The following RARB variants were observed in gnomAD, a reference collection of about 807,000 sequenced individuals.
RARB encodes the protein HBV-activated protein.
RARB carries 17 observed loss-of-function variants against 51.9 expected under a neutral mutation model. The ratio of observed to expected loss-of-function variants is 0.33; its 90% CI spans 0.22 to 0.49. The LOEUF is 0.49. Among genes scored for constraint, RARB ranks in the 20% least tolerant of loss-of-function variants. The pLI, the probability that RARB is intolerant of heterozygous loss-of-function variation, is 0.99. For synonymous variants in RARB, 215 were observed against 195.4 expected, an observed-to-expected ratio of 1.10 and a Z score of -0.84; for missense variants, 369 against 550.8, an observed-to-expected ratio of 0.67 and a Z score of 3.30.
At chr3:25,119,408 A>T (rs1609781) in intron 3 of RARB, among the ~76,000 whole-genome samples, 125,414 of 152,114 alleles carry the variant, frequency 0.82, 51,803 homozygotes, top group Non-Finnish European at 0.85. Context: ...AAGATGAATG[A>T]AGTAGTAGTG....
At chr3:25,470,275 GAAAA>G (rs919731243) in intron 2 of RARB, among the ~76,000 whole-genome samples, 34 of 151,128 alleles carry the variant, frequency 2.2e-4, no homozygotes, top group African/African-American at 7.8e-4. Flanking sequence ...AGCAAGAAAA[GAAAA>G]AAAAAGTTTT....
intron 2 of RARB, among the ~76,000 whole-genome samples, chr3:25,005,462 A>C (rs1388386086): frequency 1.3e-5 from 2 of 152,160 alleles, no homozygotes; most frequent in Admixed American, 6.5e-5. Context: ...AAGTGCCAGC[A>C]AGTTAGTGCT....
chr3:24,834,488 A>T (rs913257963), intron 1 of RARB, among the ~76,000 whole-genome samples: 2 of 152,186 alleles, frequency 1.3e-5, no homozygotes, highest in African/African-American at 4.8e-5. Flanking sequence ...AGTATCATCA[A>T]TGTCAACCCC....
chr3:25,120,527 ATCTCTCTC>A (rs138649959), intron 3 of RARB, among the ~76,000 whole-genome samples: 58 of 136,166 alleles, frequency 4.3e-4, no homozygotes, highest in African/African-American at 1.4e-3. Context: ...ATATATAAAA[ATCTCTCTC>A]TCTCTCTCTC....
intron 5 of RARB, among the ~76,000 whole-genome samples, chr3:25,385,319 C>T (rs1350035724): frequency 2.6e-5 from 4 of 152,114 alleles, no homozygotes; most frequent in African/African-American, 7.2e-5. Flanking sequence ...ATTGCCTGTT[C>T]GTGTTTGGTC....
intron 2 of RARB, among the ~76,000 whole-genome samples, chr3:24,984,133 T>G (rs1696736504): frequency 6.6e-6 from 1 of 152,152 alleles, no homozygotes; most frequent in Admixed American, 6.5e-5. Flanking sequence ...AGTAATTCTT[T>G]CCTGAAAATG....
chr3:24,853,879 A>G (rs551435056), intron 1 of RARB, among the ~76,000 whole-genome samples: 21 of 152,330 alleles, frequency 1.4e-4, no homozygotes, highest in African/African-American at 4.8e-4. Flanking sequence ...GGAAGATACC[A>G]TCTTAAAGTG....
intron 2 of RARB, among the ~76,000 whole-genome samples, chr3:25,481,114 G>A (rs1480393365): frequency 6.6e-6 from 1 of 152,048 alleles, no homozygotes; most frequent in East Asian, 1.9e-4. Flanking sequence ...CTTTTTCAAG[G>A]TATTTTTTGG....
In RARB at chr3:25,159,154, C is replaced by CTTT. The variant is rs397874262; in HGVS notation, c.-279-14941_-279-14939dup. Among the ~76,000 whole-genome samples, 47 of 65,298 alleles carry CTTT rather than the reference C, an allele frequency of 7.2e-4. 1 individual carries two copies. The highest frequency in any genetic ancestry group is 8.5e-4 in the Admixed American group (5 of 5,878). 42.8% of individuals were successfully genotyped at this position (65,298 alleles called of 152,430 possible). ...TCCCAAGAAAACTGTTCCAAATTGT[C>CTTT]TTTTTTTTTTTTTTTTTTTTTTTTT... On this transcript the variant is annotated intron_variant, in intron 4 of 11. Transcript: ENST00000383772.
At chr3:25,423,613 G>A (rs1707916183), upstream of RARB, among the ~76,000 whole-genome samples, 3 of 152,154 alleles carry the variant, frequency 2.0e-5, 1 homozygote, top group Non-Finnish European at 4.4e-5. Context: ...ACATGTAGAG[G>A]ACTTTTACTT....
chr3:25,250,805 C>T (rs941833841), intron 5 of RARB, among the ~76,000 whole-genome samples: 2 of 152,116 alleles, frequency 1.3e-5, no homozygotes, highest in African/African-American at 2.4e-5. Flanking sequence ...GTCATGTGAT[C>T]TTCAGGCAGC....
At chr3:24,950,809 T>A (rs1695874726) in intron 2 of RARB, among the ~76,000 whole-genome samples, 1 of 151,858 alleles carries the variant, frequency 6.6e-6, no homozygotes. Flanking sequence ...AAATAAAGCA[T>A]AATGTAGTGC....
intron 2 of RARB, among the ~76,000 whole-genome samples, chr3:24,997,147 G>A (rs1253459569): frequency 1.6e-5 from 1 of 61,942 alleles, no homozygotes; most frequent in Non-Finnish European, 3.1e-5. Context: ...CCAGCATTGG[G>A]TGCATATATG....
intron 3 of RARB, among the ~76,000 whole-genome samples, chr3:25,531,388 G>GTAGATAGATAGATAGGTAGA: frequency 6.9e-6 from 1 of 145,452 alleles, no homozygotes; most frequent in East Asian, 2.0e-4. Flanking sequence ...AGATAGATAG[G>GTAGATAGATAGATAGGTAGA]TAGATAGATA....
chr3:25,493,307 G>A (rs572417878), intron 2 of RARB, among the ~76,000 whole-genome samples: 3 of 152,212 alleles, frequency 2.0e-5, no homozygotes, highest in Non-Finnish European at 2.9e-5. Flanking sequence ...CTTCTCAGAC[G>A]TTGTCACGCA....
intron 5 of RARB, among the ~76,000 whole-genome samples, chr3:25,242,832 C>G (rs1192467140): frequency 6.6e-6 from 1 of 151,988 alleles, no homozygotes; most frequent in African/African-American, 2.4e-5. Flanking sequence ...AAGTTTTTTC[C>G]AATTTTATGA....
chr3:25,438,297 T>A (rs1334394757), intron 1 of RARB, among the ~76,000 whole-genome samples: 1 of 152,136 alleles, frequency 6.6e-6, no homozygotes, highest in South Asian at 2.1e-4. Flanking sequence ...GCTTTCACTA[T>A]ATTCTGCTGG....
intron 5 of RARB, among the ~76,000 whole-genome samples, chr3:25,331,634 C>G (rs1704899030): frequency 6.6e-6 from 1 of 152,116 alleles, no homozygotes; most frequent in Admixed American, 6.5e-5. Flanking sequence ...CAAGAGCAGA[C>G]ACATTCAAAA....
chr3:25,111,591 T>TG (rs1172626263), intron 3 of RARB, among the ~76,000 whole-genome samples: 1 of 149,908 alleles, frequency 6.7e-6, no homozygotes, highest in South Asian at 2.1e-4. Context: ...TGGTTTTTTT[T>TG]TTTTTTTTTT....
Sources: allele counts gnomAD v4.1 joint callset (sites outside exome capture counted in the v4.1 genomes callset), GRCh38; gene constraint gnomAD v4.1.1; transcripts MANE v1.5; gene names NCBI Gene and HGNC (gene_info 2026-07-23, HGNC 2026-07-21).